The following TMEM270 variants were observed in gnomAD, a reference collection of about 807,000 sequenced individuals.
TMEM270 encodes transmembrane protein 270.
A neutral mutation model predicts 29.9 loss-of-function variants in TMEM270; 30 were observed. The ratio of observed to expected loss-of-function variants is 1.00; its 90% CI spans 0.75 to 1.36. The LOEUF is 1.36. Among genes scored for constraint, TMEM270 ranks in the 40% most tolerant of loss-of-function variants. TMEM270 has a pLI of 0.00. For missense variants in TMEM270, 313 were observed against 307.1 expected, an observed-to-expected ratio of 1.02 and a Z score of -0.14; for synonymous variants, 135 against 139.8, an observed-to-expected ratio of 0.97 and a Z score of 0.24.
In TMEM270 at chr7:73,865,859, A is replaced by G; in HGVS notation, c.784A>G (p.Thr262Ala). The change falls in exon 3 of 3, where the codon ACT becomes GCT. Residue 262 changes from threonine (T) to alanine (A), a missense_variant. Physicochemically the swap from Thr to Ala is moderately conservative, Grantham distance 58. Coordinates refer to ENST00000320531, the MANE Select transcript of TMEM270 (RefSeq NM_182504.4). ...ESGTVLPEQE[T>A]PRE ...TGGAACAGTTTTGCCAGAGCAAGAAACTCCCAGAGAATAAATGTATCCCCA... is the reference window on the plus strand; with the variant it reads ...TGGAACAGTTTTGCCAGAGCAAGAAGCTCCCAGAGAATAAATGTATCCCCA... 6.2e-7 allele frequency: 1 copy of G among 1,611,230 alleles called. No individual in the cohort carries two copies. The highest frequency in any genetic ancestry group is 1.3e-5 in the African/African-American group (1 of 74,938).
chr7:73,863,903 C>T (rs1554639606), intron 1 of TMEM270, among the ~76,000 whole-genome samples: 1 of 152,050 alleles, frequency 6.6e-6, no homozygotes. Context: ...TCAAAGCCCA[C>T]AGGATTGGGG....
intron 1 of TMEM270, among the ~76,000 whole-genome samples, chr7:73,862,583 G>A (rs1226092989): frequency 1.3e-5 from 2 of 151,410 alleles, no homozygotes; most frequent in South Asian, 2.1e-4. Flanking sequence ...TCTTGGGACC[G>A]GGAGCTGTGG....
chr7:73,861,573 C>A, intron 1 of TMEM270: 2 of 525,468 alleles, frequency 3.8e-6, no homozygotes, highest in Admixed American at 2.3e-5. Flanking sequence ...CCTCAGCCTC[C>A]AAGTAGCCGG....
Position 73,865,052 on chromosome 7 carries a change from C to T in TMEM270, c.132C>T (p.Asn44=). ...TGCTCCTCAAGATCAACCTCTTCAA[C>T]CACTGGGTGTCAGGGCTGGCCCAGG... ...NFLLLKINLF[N]HWVSGLAQEA... is the part of the protein sequence containing the mutation. Residue 44 remains asparagine (N), a synonymous_variant, in exon 2 of 3, where the codon AAC becomes AAT. Transcript: ENST00000320531. 2 of 1,526,590 alleles carry T rather than the reference C, an allele frequency of 1.3e-6. No homozygotes were observed. Among genetic ancestry groups the T allele is most frequent in the East Asian group, 2.3e-5 (1 of 44,104 alleles). The allele number at this position is 1,526,590 out of a possible 1,614,324, so 94.6% of individuals were successfully genotyped here. A position where few individuals can be genotyped will look rare whatever the true frequency, so the allele number is the denominator to read the frequency against.
At chr7:73,861,294 T>TAATGGGGGGG in intron 1 of TMEM270, 28 bp downstream of exon 1, 2 of 878,598 alleles carry the variant, frequency 2.3e-6, no homozygotes, top group Non-Finnish European at 3.7e-6. Flanking sequence ...GTAAGTGGGG[T>TAATGGGGGGG]GGGGACCACA....
chr7:73,861,951 A>G lies in TMEM270; in HGVS notation c.72+685A>G, dbSNP rs1788796270. Among the ~76,000 whole-genome samples the G allele has an allele frequency of 2.7e-5, 4 of 149,532 alleles. No individual in the cohort carries two copies. The South Asian group carries it at 8.5e-4, about 32-fold the overall frequency. On this transcript the variant is annotated intron_variant, in intron 1 of 2. Coordinates refer to ENST00000320531, the MANE Select transcript of TMEM270 (RefSeq NM_182504.4). Reference sequence around the variant, plus strand: ...GTAGCTGGGACTACAGGCACGTGCCATCATCCCTGGCTAATTTTTTTTTTT... The same window carrying G: ...GTAGCTGGGACTACAGGCACGTGCCGTCATCCCTGGCTAATTTTTTTTTTT...
Position 73,865,319 on chromosome 7 carries a change from ATGTCTGCACGGCC to A in TMEM270, c.402_414del (p.Cys134Ter). The A allele has an allele frequency of 6.2e-7, 1 of 1,613,020 alleles. No individual in the cohort carries two copies. The highest frequency in any genetic ancestry group is 8.5e-7 in the Non-Finnish European group (1 of 1,179,900). ...CCATCTGGACAGATCTGTTTTTGTCATGTCTGCACGGCCTGATGTTGGTGGCCTTGCTCTTGGT... is the reference window on the plus strand; with the variant it reads ...CCATCTGGACAGATCTGTTTTTGTCATGATGTTGGTGGCCTTGCTCTTGGT... On this transcript the variant is annotated frameshift_variant, in exon 2 of 3. Coordinates refer to ENST00000320531, the MANE Select transcript of TMEM270 (RefSeq NM_182504.4). LOFTEE classifies it high-confidence loss of function.
chr7:73,865,679 T>C lies in TMEM270; in HGVS notation c.604T>C (p.Tyr202His), dbSNP rs576886656. ...TGCCCTCACCTCCTGGCACCTGGCC[T>C]ATCTCATCACCTGGACCACCTGCCT... ...MTALTSWHLA[Y>H]LITWTTCLAS... The change falls in exon 3 of 3, where the codon TAT becomes CAT. Residue 202 changes from tyrosine (Y) to histidine (H), a missense_variant. Transcript: ENST00000320531. 1.8e-4 allele frequency: 287 copies of C among 1,614,094 alleles called. 3 individuals carry two copies. In the South Asian group the frequency reaches 3.1e-3, roughly 17 times the overall value.
chr7:73,863,521 C>T (rs1271423463), intron 1 of TMEM270, among the ~76,000 whole-genome samples: 1 of 152,018 alleles, frequency 6.6e-6, no homozygotes, highest in African/African-American at 2.4e-5. Flanking sequence ...TCCCGAGTAG[C>T]TGGGATTACA....
At chr7:73,863,728 C>G (rs1788839577) in intron 1 of TMEM270, among the ~76,000 whole-genome samples, 1 of 152,108 alleles carries the variant, frequency 6.6e-6, no homozygotes, top group Non-Finnish European at 1.5e-5. Flanking sequence ...CTCCTTCACC[C>G]TTCTCATTAG....
rs781868406 is a variant in TMEM270 at position 73,865,699 on chromosome 7, C to G, written c.624C>G (p.Thr208=). ...WHLAYLITWT[T]CLASHLLQAA... ...TGGCCTATCTCATCACCTGGACCAC[C>G]TGCCTGGCCTCCCACCTGCTGCAGG... Residue 208 remains threonine (T), a synonymous_variant, in exon 3 of 3, where the codon ACC becomes ACG. Coordinates refer to ENST00000320531, the MANE Select transcript of TMEM270 (RefSeq NM_182504.4). 6.2e-7 allele frequency: 1 copy of G among 1,614,142 alleles called. No individual in the cohort carries two copies. Among genetic ancestry groups the G allele is most frequent in the East Asian group, 2.2e-5 (1 of 44,876 alleles).
At chr7:73,863,649 C>G (rs1554639591) in intron 1 of TMEM270, among the ~76,000 whole-genome samples, 1 of 152,160 alleles carries the variant, frequency 6.6e-6, no homozygotes, top group African/African-American at 2.4e-5. Context: ...TTCGGCCTCC[C>G]AGAGTGCTGG....
At chr7:73,861,616 T>C in intron 1 of TMEM270, 1 of 384,642 alleles carries the variant, frequency 2.6e-6, no homozygotes, top group Non-Finnish European at 5.1e-6. Context: ...GCCTGACTAA[T>C]TTTTGTATTT....
intron 1 of TMEM270, 28 bp downstream of exon 1, chr7:73,861,294 TG>T: frequency 3.4e-6 from 3 of 878,592 alleles, no homozygotes; most frequent in Non-Finnish European, 5.5e-6. Context: ...GTAAGTGGGG[TG>T]GGGACCACAC....
chr7:73,861,024 G>T, upstream of TMEM270: 1 of 657,674 alleles, frequency 1.5e-6, no homozygotes, highest in Non-Finnish European at 2.7e-6. Flanking sequence ...TGGCCGTGTT[G>T]GGCTCAGACG....
upstream of TMEM270, chr7:73,861,157 C>G: frequency 6.2e-7 from 1 of 1,609,356 alleles, no homozygotes; most frequent in Non-Finnish European, 8.5e-7. Flanking sequence ...TGAGGTCACC[C>G]TGCTTCTCCC....
intron 1 of TMEM270, among the ~76,000 whole-genome samples, chr7:73,863,132 C>T (rs551377243): frequency 5.3e-5 from 8 of 152,268 alleles, no homozygotes; most frequent in South Asian, 4.1e-4. Flanking sequence ...CCACCCTCCA[C>T]GTCCCAAGCT....
chr7:73,864,040 G>T, intron 1 of TMEM270, among the ~76,000 whole-genome samples: 1 of 150,892 alleles, frequency 6.6e-6, no homozygotes, highest in East Asian at 2.0e-4. Context: ...CACTTTGGGA[G>T]GCTGAGGCAG....
At position 73,861,681 on chromosome 7, in the gene TMEM270, A is replaced by C. The variant is rs1449848605; in HGVS notation, c.72+415A>C. ...AGGCGGGTCTCCAACTCTTGGCCTC[A>C]CATGATCCTCCTACCTCAGCTTCCT... On this transcript the variant is annotated intron_variant, in intron 1 of 2. Coordinates refer to ENST00000320531, the MANE Select transcript of TMEM270 (RefSeq NM_182504.4). 3 of 301,128 alleles carry C rather than the reference A, an allele frequency of 1.0e-5. No homozygotes were observed. In the East Asian group the frequency reaches 2.6e-4, roughly 26 times the overall value. 18.7% of individuals were successfully genotyped at this position (301,128 alleles called of 1,614,324 possible).
Sources: allele counts gnomAD v4.1 joint callset (sites outside exome capture counted in the v4.1 genomes callset), GRCh38; gene constraint gnomAD v4.1.1; transcripts MANE v1.5; gene names NCBI Gene and HGNC (gene_info 2026-07-23, HGNC 2026-07-21).